Variants in NALCN observed in about 807,000 individuals in gnomAD.
NALCN encodes sodium leak channel NALCN.
A neutral mutation model predicts 225.3 loss-of-function variants in NALCN; 111 were observed. The observed-to-expected ratio is 0.49, with a 90% CI of 0.42 to 0.58. NALCN has a LOEUF of 0.58. NALCN is among the 20% of genes least tolerant of loss of function. The probability of loss-of-function intolerance (pLI) is 0.00; values close to 1 mark genes in which losing one functional copy is unlikely to be tolerated. For missense variants in NALCN, 1,378 were observed against 2,202.4 expected (o/e 0.63, Z 7.49); for synonymous variants, 764 against 769.0 (o/e 0.99, Z 0.11).
intron 3 of NALCN, among the ~76,000 whole-genome samples, chr13:101,380,893 C>CACACA (rs199748340): frequency 5.5e-5 from 8 of 145,816 alleles, no homozygotes; most frequent in African/African-American, 1.8e-4. Context: ...CACACACACA[C>CACACA]CACCATCACC....
At chr13:101,123,901 G>C (rs1008403454) in intron 18 of NALCN, among the ~76,000 whole-genome samples, 1 of 152,134 alleles carries the variant, frequency 6.6e-6, no homozygotes, top group Non-Finnish European at 1.5e-5. Flanking sequence ...TTTGCAGGGG[G>C]CTTCCTGGCA....
chr13:101,080,268 C>T (rs1422135069), intron 34 of NALCN, among the ~76,000 whole-genome samples: 1 of 151,934 alleles, frequency 6.6e-6, no homozygotes, highest in Non-Finnish European at 1.5e-5. Context: ...TAACCAGCAG[C>T]CACATGGAAC....
chr13:101,142,837 T>C (rs2037154554), intron 17 of NALCN: 1 of 475,534 alleles, frequency 2.1e-6, no homozygotes, highest in Non-Finnish European at 3.8e-6. Context: ...GGGAGGCTCT[T>C]GATGTTTACA....
At position 101,329,106 on chromosome 13, in the gene NALCN, C is replaced by T. The variant is rs539407687; in HGVS notation, c.799+16160G>A. ...ATCCTAAGTATCTTTACAGGAAAGC[C>T]TCTTTCAGTTCAACTTCAATTTGGT... On this transcript the variant is annotated intron_variant, in intron 7 of 43. Coordinates refer to ENST00000251127, the MANE Select transcript of NALCN (RefSeq NM_052867.4). Among the ~76,000 whole-genome samples, 9 of 152,220 alleles carry T rather than the reference C, an allele frequency of 5.9e-5. No individual in the cohort carries two copies. The East Asian group carries it at 1.7e-3, about 29-fold the overall frequency.
chr13:101,308,674 A>C (rs1299003600), intron 7 of NALCN, among the ~76,000 whole-genome samples: 3 of 152,228 alleles, frequency 2.0e-5, no homozygotes, highest in Non-Finnish European at 4.4e-5. Flanking sequence ...GCTGATGTTC[A>C]CAAGGATGTC....
At chr13:101,159,707 C>T (rs1237824095) in intron 15 of NALCN, among the ~76,000 whole-genome samples, 4 of 151,972 alleles carry the variant, frequency 2.6e-5, no homozygotes, top group Admixed American at 6.6e-5. Flanking sequence ...GTGCAGGGGC[C>T]CAGATTTAAA....
chr13:101,158,286 G>T (rs1482778647), intron 15 of NALCN, among the ~76,000 whole-genome samples: 1 of 152,182 alleles, frequency 6.6e-6, no homozygotes, highest in South Asian at 2.1e-4. Context: ...AGCCAAAGAC[G>T]TCCTAAGAGA....
At chr13:101,165,447 A>G (rs1594345434) in intron 15 of NALCN, among the ~76,000 whole-genome samples, 2 of 152,238 alleles carry the variant, frequency 1.3e-5, no homozygotes, top group East Asian at 1.9e-4. Flanking sequence ...ATACAACATA[A>G]ATTTTGCCAT....
intron 7 of NALCN, among the ~76,000 whole-genome samples, chr13:101,319,820 AC>A (rs1334393938): frequency 8.0e-6 from 1 of 124,646 alleles, no homozygotes; most frequent in Non-Finnish European, 1.9e-5. Context: ...TTATCATTTT[AC>A]TTTTATATAA....
chr13:101,128,276 ATTAAAT>A (rs1238004206), intron 17 of NALCN, among the ~76,000 whole-genome samples: 1 of 152,220 alleles, frequency 6.6e-6, no homozygotes. Flanking sequence ...AAACAAGTAA[ATTAAAT>A]TTAAATTATC....
intron 7 of NALCN, among the ~76,000 whole-genome samples, chr13:101,317,565 C>T (rs1219524385): frequency 1.3e-5 from 2 of 152,128 alleles, no homozygotes; most frequent in Non-Finnish European, 2.9e-5. Flanking sequence ...CTCTGTGATC[C>T]ACCTGATCTG....
Position 101,292,192 on chromosome 13 carries a change from A to T in NALCN, c.942+32T>A. On this transcript the variant is annotated intron_variant, in intron 8 of 43. Coordinates refer to ENST00000251127, the MANE Select transcript of NALCN (RefSeq NM_052867.4). The surrounding 1 kb of genome is among the most constrained non-coding windows in gnomAD (Gnocchi z 4.3). The stretch of plus-strand genomic sequence containing the variant: ...AAGATCTGCAGAACTATCACAGAAC[A>T]TAGACTTTCTTAGTACAATTCTTCG... The T allele has an allele frequency of 6.2e-7, 1 of 1,613,412 alleles. No homozygotes were observed. Among genetic ancestry groups the T allele is most frequent in the Non-Finnish European group, 8.5e-7 (1 of 1,179,596 alleles).
chr13:101,168,729 C>A (rs17485303), intron 15 of NALCN, among the ~76,000 whole-genome samples: 36,800 of 152,146 alleles, frequency 0.24, 5,231 homozygotes, highest in Non-Finnish European at 0.32. Flanking sequence ...CCTGTGGCAT[C>A]AATACCATCA....
chr13:101,168,131 C>T lies in NALCN; in HGVS notation c.1839+8169G>A, dbSNP rs542440352. On this transcript the variant is annotated intron_variant, in intron 15 of 43. Coordinates refer to ENST00000251127, the MANE Select transcript of NALCN (RefSeq NM_052867.4). ...GGTGACAAACACATTCTAGGCTTTC[C>T]TCTTACCTCTTGTGCTGTGACTTCT... Among the ~76,000 whole-genome samples the T allele has an allele frequency of 2.0e-5, 3 of 152,210 alleles. No individual in the cohort carries two copies. In the South Asian group the frequency reaches 6.2e-4, roughly 32 times the overall value.
At chr13:101,126,723 C>T (rs1206899945) in intron 17 of NALCN, among the ~76,000 whole-genome samples, 1 of 152,058 alleles carries the variant, frequency 6.6e-6, no homozygotes, top group East Asian at 1.9e-4. Context: ...GAACTCCTGA[C>T]CTTGTGATCC....
Position 101,074,506 on chromosome 13 carries a change from A to G in NALCN, c.4103+8T>C, listed in dbSNP as rs763566282. 24 of 1,599,470 alleles carry G rather than the reference A, an allele frequency of 1.5e-5. No homozygotes were observed. In the African/African-American group the frequency reaches 2.4e-4, roughly 16 times the overall value. On this transcript the variant is annotated splice_region_variant and intron_variant, in intron 36 of 43. Transcript: ENST00000251127. ...GATAAATGAATAGAAAGATAAGTAT[A>G]TACCAACCTGTTAATATTCTCCCCA...
intron 37 of NALCN, among the ~76,000 whole-genome samples, chr13:101,069,333 C>A (rs2032670904): frequency 4.6e-5 from 7 of 152,234 alleles, no homozygotes; most frequent in Admixed American, 4.6e-4. Context: ...AGTGCACATG[C>A]AACTCATGTT....
At chr13:101,132,589 C>A (rs999115249) in intron 17 of NALCN, among the ~76,000 whole-genome samples, 6 of 152,056 alleles carry the variant, frequency 3.9e-5, no homozygotes, top group Non-Finnish European at 8.8e-5. Flanking sequence ...ACTTAATCTT[C>A]AAACTAATCC....
chr13:101,078,789 T>C (rs1428782101), intron 34 of NALCN, among the ~76,000 whole-genome samples: 1 of 152,176 alleles, frequency 6.6e-6, no homozygotes, highest in African/African-American at 2.4e-5. Context: ...TGTGAAGACA[T>C]GAGATTTGGG....
Sources: gnomAD v4.1 joint callset for allele counts (sites outside exome capture counted in the v4.1 genomes callset) on GRCh38, gnomAD v4.1.1 for gene constraint, Gnocchi (gnomAD v3.1) non-coding constraint, MANE v1.5 for transcripts, NCBI Gene and HGNC (gene_info 2026-07-23, HGNC 2026-07-21) for gene names.